MAD1L1: variants seen among roughly 807,000 people sequenced by gnomAD.
MAD1L1 encodes mitotic arrest deficient 1 like 1.
A neutral mutation model predicts 96.9 loss-of-function variants in MAD1L1; 95 were observed. The observed-to-expected ratio is 0.98, with a 90% CI of 0.83 to 1.16. The LOEUF (loss-of-function observed/expected upper bound fraction) is 1.16. Ranked by LOEUF, MAD1L1 falls within the 50% of genes most tolerant of loss-of-function variation. MAD1L1 has a pLI of 0.00. For synonymous variants in MAD1L1, 473 were observed against 396.6 expected, an observed-to-expected ratio of 1.19 and a Z score of -2.29; for missense variants, 1,007 against 954.4, an observed-to-expected ratio of 1.06 and a Z score of -0.73.
At chr7:1,892,341 CCT>C in intron 18 of MAD1L1, among the ~76,000 whole-genome samples, 1 of 152,332 alleles carries the variant, frequency 6.6e-6, no homozygotes, top group South Asian at 2.1e-4. Flanking sequence ...AGCATGCATC[CCT>C]GTCATCTGGC....
chr7:1,854,402 CTAGGTGGCTCG>C (rs1311068100), intron 18 of MAD1L1: 1 of 462,026 alleles, frequency 2.2e-6, no homozygotes, highest in East Asian at 6.8e-5. Context: ...CCGCTGCAGA[CTAGGTGGCTCG>C]TAAACAGAGT....
chr7:2,190,754 A>G (rs985938020), intron 10 of MAD1L1, among the ~76,000 whole-genome samples: 2 of 152,172 alleles, frequency 1.3e-5, no homozygotes, highest in African/African-American at 4.8e-5. Context: ...ACAAGGAAAT[A>G]CCGCACACAC....
chr7:2,139,085 G>T (rs1483638960), intron 11 of MAD1L1, among the ~76,000 whole-genome samples: 1 of 152,110 alleles, frequency 6.6e-6, no homozygotes, highest in Non-Finnish European at 1.5e-5. Context: ...AGGCGAGGAG[G>T]AAGAGCAGGC....
At chr7:2,213,975 C>T (rs959745793) in intron 9 of MAD1L1, among the ~76,000 whole-genome samples, 17 of 152,408 alleles carry the variant, frequency 1.1e-4, no homozygotes, top group African/African-American at 4.1e-4. Context: ...GTTATCAACG[C>T]TCCACTCGGC....
At chr7:2,032,714 C>G (rs963005964) in intron 12 of MAD1L1, among the ~76,000 whole-genome samples, 1 of 152,318 alleles carries the variant, frequency 6.6e-6, no homozygotes, top group East Asian at 1.9e-4. Flanking sequence ...ATTTTGAATT[C>G]GCGCCCAGGG....
intron 18 of MAD1L1, chr7:1,874,368 A>G (rs1001044533): frequency 8.1e-6 from 3 of 369,684 alleles, no homozygotes; most frequent in Non-Finnish European, 1.6e-5. Context: ...GCGTCTCAGG[A>G]GGAGACGTTG....
intron 10 of MAD1L1, among the ~76,000 whole-genome samples, chr7:2,160,813 T>C (rs1790070033): frequency 6.6e-6 from 1 of 152,172 alleles, no homozygotes. Context: ...TTTTCAATAT[T>C]CTGTACCAAG....
rs894426404 is a variant in MAD1L1 at position 2,114,153 on chromosome 7, C to T, written c.1073+34999G>A. On this transcript the variant is annotated intron_variant, in intron 11 of 18. Coordinates refer to ENST00000265854, the MANE Select transcript of MAD1L1 (RefSeq NM_001013836.2). The surrounding 1 kb of genome is among the most constrained non-coding windows in gnomAD (Gnocchi z 4.2). Reference sequence around the variant, plus strand: ...GGAGGGTGCGTCGAAACATTCTCCACGACTTCTGCAACTTTCCTGTCAGTG... The same window carrying T: ...GGAGGGTGCGTCGAAACATTCTCCATGACTTCTGCAACTTTCCTGTCAGTG... Among the ~76,000 whole-genome samples the T allele has an allele frequency of 3.3e-5, 5 of 152,252 alleles. No individual in the cohort carries two copies. In the East Asian group the frequency reaches 5.8e-4, roughly 18 times the overall value.
intron 12 of MAD1L1, among the ~76,000 whole-genome samples, chr7:2,033,730 C>T (rs1024744828): frequency 6.6e-6 from 1 of 152,246 alleles, no homozygotes; most frequent in African/African-American, 2.4e-5. Context: ...GGACAGCAGT[C>T]ACGGGCGCTT....
chr7:1,869,766 C>T (rs1196317697), intron 18 of MAD1L1, among the ~76,000 whole-genome samples: 1 of 152,138 alleles, frequency 6.6e-6, no homozygotes, highest in Non-Finnish European at 1.5e-5. Flanking sequence ...TGCGTGGGCT[C>T]CATGGAACAC....
intron 11 of MAD1L1, among the ~76,000 whole-genome samples, chr7:2,131,145 T>A (rs927879002): frequency 1.3e-5 from 2 of 152,206 alleles, no homozygotes; most frequent in African/African-American, 4.8e-5. Context: ...CTTCAAGAGA[T>A]GGATGAGCAG....
At position 2,143,823 on chromosome 7, in the gene MAD1L1, T is replaced by C. The variant is rs139610688; in HGVS notation, c.1073+5329A>G. Among the ~76,000 whole-genome samples the C allele has an allele frequency of 1.1e-3, 160 of 152,248 alleles. 2 individuals are homozygous for C. The highest frequency in any genetic ancestry group is 3.6e-3 in the African/African-American group (151 of 41,556). On this transcript the variant is annotated intron_variant, in intron 11 of 18. Transcript: ENST00000265854. ...TGGAATGCACTTCTGGGAAAGCCGA[T>C]GCACAGAGGGGAGGCAGGGGAGGCC...
In MAD1L1 at chr7:2,162,721, A is replaced by C. The variant is rs1269206056; in HGVS notation, c.987-13483T>G. ...ATCCACCACTCACAAAAAAAAAAAA[A>C]AAAAACGTAATGGATCCCAGAAGTT... On this transcript the variant is annotated intron_variant, in intron 10 of 18. Coordinates refer to ENST00000265854, the MANE Select transcript of MAD1L1 (RefSeq NM_001013836.2). Among the ~76,000 whole-genome samples the C allele has an allele frequency of 4.5e-3, 691 of 152,012 alleles. 8 individuals are homozygous for C. The highest frequency in any genetic ancestry group is 0.016 in the African/African-American group (652 of 41,498).
intron 13 of MAD1L1, among the ~76,000 whole-genome samples, chr7:2,011,060 G>A (rs987295570): frequency 6.6e-6 from 1 of 152,204 alleles, no homozygotes; most frequent in Non-Finnish European, 1.5e-5. Flanking sequence ...GAGAGAGGGA[G>A]GCAGGGGGTT....
intron 14 of MAD1L1, among the ~76,000 whole-genome samples, chr7:1,998,417 G>A (rs941780080): frequency 6.6e-6 from 1 of 152,230 alleles, no homozygotes; most frequent in Non-Finnish European, 1.5e-5. Context: ...CCATAATGCC[G>A]AGGGCTTGGC....
At chr7:2,156,962 C>G (rs1230077680) in intron 10 of MAD1L1, among the ~76,000 whole-genome samples, 1 of 152,146 alleles carries the variant, frequency 6.6e-6, no homozygotes, top group Non-Finnish European at 1.5e-5. Flanking sequence ...TGCCACCCAC[C>G]ACACGTGTGA....
intron 18 of MAD1L1, among the ~76,000 whole-genome samples, chr7:1,870,738 G>A (rs71523271): frequency 0.27 from 31,154 of 114,202 alleles, 5,674 homozygotes; most frequent in East Asian, 0.42. Context: ...CACCTGCCAC[G>A]CTGAACCCAA....
chr7:1,906,483 A>G (rs1050261668), intron 17 of MAD1L1, among the ~76,000 whole-genome samples: 12 of 152,168 alleles, frequency 7.9e-5, no homozygotes, highest in Admixed American at 7.8e-4. Flanking sequence ...CTCCCTTTCC[A>G]GCTGCCTCTC....
At chr7:1,833,100 A>G (rs1191665396) in intron 18 of MAD1L1, among the ~76,000 whole-genome samples, 1 of 152,250 alleles carries the variant, frequency 6.6e-6, no homozygotes, top group East Asian at 1.9e-4. Flanking sequence ...AGTATTTTTA[A>G]AATCAGAACA....
Sources: allele counts gnomAD v4.1 joint callset (sites outside exome capture counted in the v4.1 genomes callset), GRCh38; gene constraint gnomAD v4.1.1; non-coding constraint Gnocchi (gnomAD v3.1); transcripts MANE v1.5; gene names NCBI Gene and HGNC (gene_info 2026-07-23, HGNC 2026-07-21).